C6orf89: variants seen among roughly 807,000 people sequenced by gnomAD.
C6orf89 encodes the protein bombesin receptor-activated protein C6orf89.
C6orf89 carries 29 observed loss-of-function variants against 40.7 expected under a neutral mutation model. The observed-to-expected ratio is 0.71, with a 90% CI of 0.53 to 0.97. The LOEUF (loss-of-function observed/expected upper bound fraction) is 0.97. Ranked by LOEUF, C6orf89 falls within the 50% of genes least tolerant of loss-of-function variation. The pLI, the probability that C6orf89 is intolerant of heterozygous loss-of-function variation, is 0.00. For missense variants in C6orf89, 392 were observed against 429.1 expected (o/e 0.91, Z 0.76); for synonymous variants, 165 against 152.2 (o/e 1.08, Z -0.62).
At chr6:36,909,383 A>G (rs1345522996) in intron 4 of C6orf89, among the ~76,000 whole-genome samples, 2 of 152,144 alleles carry the variant, frequency 1.3e-5, no homozygotes, top group African/African-American at 4.8e-5. Context: ...CATTAACAGC[A>G]TATGTTGATC....
chr6:36,900,376 A>G (rs1761626429), intron 3 of C6orf89, among the ~76,000 whole-genome samples: 1 of 148,332 alleles, frequency 6.7e-6, no homozygotes, highest in Non-Finnish European at 1.5e-5. Context: ...TAATTTTTGT[A>G]TTTTTAGTAG....
At chr6:36,921,038 A>G (rs1762491997) in intron 8 of C6orf89, among the ~76,000 whole-genome samples, 1 of 152,140 alleles carries the variant, frequency 6.6e-6, no homozygotes, top group African/African-American at 2.4e-5. Flanking sequence ...TGGTACAGAT[A>G]GTCCAGATTA....
At chr6:36,880,393 C>A (rs1451167198) in intron 2 of C6orf89, among the ~76,000 whole-genome samples, 1 of 151,646 alleles carries the variant, frequency 6.6e-6, no homozygotes, top group African/African-American at 2.4e-5. Flanking sequence ...AATCTTACAA[C>A]TACTATAGTA....
Position 36,914,663 on chromosome 6 carries a change from C to A in C6orf89, c.665C>A (p.Pro222His). ...TTCGCCAAGTGGTGGCGCTGCTTTC[C>A]TGAGCGGTGGTTCCCATTTCCTTAT... is the stretch of plus-strand genomic sequence containing the variant. The part of the protein sequence containing the change: ...GFFAKWWRCF[P>H]ERWFPFPYPW... Residue 222 changes from proline (P) to histidine (H), a missense_variant, in exon 6 of 9, where the codon CCT (proline) becomes CAT (histidine). Coordinates refer to ENST00000480824, the MANE Select transcript of C6orf89 (RefSeq NM_001286635.2). 6.2e-7 allele frequency: 1 copy of A among 1,614,206 alleles called. No homozygotes were observed. The highest frequency in any genetic ancestry group is 8.5e-7 in the Non-Finnish European group (1 of 1,180,038).
chr6:36,891,214 A>C (rs1326418363), intron 1 of C6orf89, among the ~76,000 whole-genome samples: 2 of 152,066 alleles, frequency 1.3e-5, no homozygotes, highest in Non-Finnish European at 2.9e-5. Context: ...TCATTATTCA[A>C]TTCCCACCTA....
At chr6:36,891,894 C>T (rs1761221180) in intron 1 of C6orf89, among the ~76,000 whole-genome samples, 1 of 152,198 alleles carries the variant, frequency 6.6e-6, no homozygotes, top group South Asian at 2.1e-4. Context: ...CATAGCTCTT[C>T]AGAAAACAGA....
At chr6:36,885,245 C>T (rs1270179084), upstream of C6orf89, among the ~76,000 whole-genome samples, 1 of 152,216 alleles carries the variant, frequency 6.6e-6, no homozygotes, top group Non-Finnish European at 1.5e-5. Context: ...CCACTCACAG[C>T]CTGCTGAATG....
In C6orf89 at chr6:36,885,955, A is replaced by G. The variant is rs539660277; in HGVS notation, c.-193A>G. 13 of 1,263,632 alleles carry G rather than the reference A, an allele frequency of 1.0e-5. No individual in the cohort carries two copies. In the Admixed American group the frequency reaches 1.2e-4, roughly 12 times the overall value. The allele number at this position is 1,263,632 out of a possible 1,614,324, so 78.3% of individuals were successfully genotyped here. A position where few individuals can be genotyped will look rare whatever the true frequency, so the allele number is the denominator to read the frequency against. ...TCCGGGTCGCGCTCCCGGAAACAGG[A>G]AGTTGCCCATCCTCCTCGCCCGGCG... On this transcript the variant is annotated 5_prime_UTR_variant, in exon 1 of 9. Transcript: ENST00000480824.
intron 1 of C6orf89, among the ~76,000 whole-genome samples, chr6:36,888,648 A>G (rs1302894995): frequency 5.3e-5 from 8 of 152,176 alleles, no homozygotes; most frequent in Admixed American, 3.9e-4. Context: ...ATAAAAATAA[A>G]AAACTGGACA....
chr6:36,887,856 T>C (rs1775053566), intron 1 of C6orf89, among the ~76,000 whole-genome samples: 1 of 152,084 alleles, frequency 6.6e-6, no homozygotes, highest in African/African-American at 2.4e-5. Flanking sequence ...TAGCTGGGAC[T>C]ACAGGCAGGC....
intron 1 of C6orf89, among the ~76,000 whole-genome samples, chr6:36,877,522 G>A (rs1223895313): frequency 6.6e-6 from 1 of 152,096 alleles, no homozygotes; most frequent in African/African-American, 2.4e-5. Context: ...ATAGAGACAG[G>A]GTTTCACCAT....
At chr6:36,893,125 G>A (rs932582469) in intron 1 of C6orf89, among the ~76,000 whole-genome samples, 11 of 151,370 alleles carry the variant, frequency 7.3e-5, no homozygotes, top group East Asian at 1.9e-4. Flanking sequence ...TAGTAGAGAC[G>A]GGGTTTCACT....
rs1408790414 is a variant in C6orf89 at position 36,901,318 on chromosome 6, A to ATTTTTTTTTTTTTTTTTTT, written c.190-901_190-900insTTTTTTTTTTTTTTTTTTT. On this transcript the variant is annotated intron_variant, in intron 3 of 8. Transcript: ENST00000480824. ...TATTATTATTATTATTATTATTATT[A>ATTTTTTTTTTTTTTTTTTT]TTATTTTTTTTTTTTTTTTTTTTTT... Among the ~76,000 whole-genome samples, 11 of 65,124 alleles carry ATTTTTTTTTTTTTTTTTTT rather than the reference A, an allele frequency of 1.7e-4. 1 individual carries two copies. Among genetic ancestry groups the ATTTTTTTTTTTTTTTTTTT allele is most frequent in the Non-Finnish European group, 2.4e-4 (8 of 33,412 alleles). The allele number at this position is 65,124 out of a possible 152,430, so 42.7% of individuals were successfully genotyped here.
Position 36,919,654 on chromosome 6 carries a change from G to T in C6orf89, c.902G>T (p.Arg301Leu). 1 of 1,614,072 alleles carries T rather than the reference G, an allele frequency of 6.2e-7. No homozygotes were observed. Among genetic ancestry groups the T allele is most frequent in the Non-Finnish European group, 8.5e-7 (1 of 1,179,958 alleles). Residue 301 changes from arginine to leucine, a missense_variant, in exon 8 of 9, where the codon CGA becomes CTA. Physicochemically the swap from Arg to Leu is moderately radical, Grantham distance 102 (BLOSUM62 -2). Transcript: ENST00000480824. ...CAGCTCATCCCTCCCTTCCAGTGCC[G>T]AAGACATTGTCAGTCTGTGGCCATG... Reference protein sequence around the residue: ...MLQLIPPFQCRRHCQSVAMPI... With the variant: ...MLQLIPPFQCLRHCQSVAMPI...
chr6:36,877,507 T>C (rs1263830580), intron 1 of C6orf89, among the ~76,000 whole-genome samples: 2 of 152,186 alleles, frequency 1.3e-5, no homozygotes, highest in African/African-American at 4.8e-5. Flanking sequence ...ATTTTTGTAT[T>C]TTTAATAGAG....
chr6:36,917,193 G>C (rs1383612556), intron 7 of C6orf89, among the ~76,000 whole-genome samples: 2 of 152,196 alleles, frequency 1.3e-5, no homozygotes, highest in African/African-American at 4.8e-5. Context: ...TCACCCCCAG[G>C]ATGGTTTTTG....
At position 36,906,424 on chromosome 6, in the gene C6orf89, C is replaced by T. The variant is rs557227049; in HGVS notation, c.403+3990C>T. On this transcript the variant is annotated intron_variant, in intron 4 of 8. Coordinates refer to ENST00000480824, the MANE Select transcript of C6orf89 (RefSeq NM_001286635.2). ...ATAAGGTAGATACTGTTTTTATGTT[C>T]ATTTCAAAGATGAGGAAACTGATGT... Among the ~76,000 whole-genome samples the T allele has an allele frequency of 2.0e-5, 3 of 152,304 alleles. No homozygotes were observed. The East Asian group carries it at 5.8e-4, about 29-fold the overall frequency.
intron 1 of C6orf89, among the ~76,000 whole-genome samples, chr6:36,889,335 C>T (rs1775108086): frequency 6.6e-6 from 1 of 152,128 alleles, no homozygotes; most frequent in Non-Finnish European, 1.5e-5. Flanking sequence ...ATGATTTCAA[C>T]AGGTTAATAA....
intron 8 of C6orf89, 67 bp from the exon 9 acceptor site, chr6:36,923,280 G>A (rs1318002758): frequency 1.7e-6 from 2 of 1,205,036 alleles, no homozygotes; most frequent in East Asian, 4.7e-5. Flanking sequence ...GACCTGCCTT[G>A]CTCGTGCCCA....
Sources: gnomAD v4.1 joint callset for allele counts (sites outside exome capture counted in the v4.1 genomes callset) on GRCh38, gnomAD v4.1.1 for gene constraint, MANE v1.5 for transcripts, NCBI Gene and HGNC (gene_info 2026-07-23, HGNC 2026-07-21) for gene names.